ANO2: variants seen among roughly 807,000 people sequenced by gnomAD.
ANO2 encodes anoctamin-2.
In ANO2, 101 loss-of-function variants were observed where a neutral mutation model predicts 124.2. The observed-to-expected ratio is 0.81, with a 90% CI of 0.69 to 0.96. The LOEUF (loss-of-function observed/expected upper bound fraction) is 0.96, where lower values mean the gene tolerates loss of function less well. Ranked by LOEUF, ANO2 falls within the 40% of genes least tolerant of loss-of-function variation. The pLI is 0.00. For synonymous variants in ANO2, 486 were observed against 482.5 expected (o/e 1.01, Z -0.09); for missense variants, 1,293 against 1,274.5 (o/e 1.01, Z -0.22).
intron 14 of ANO2, among the ~76,000 whole-genome samples, chr12:5,720,002 A>AT (rs368878160): frequency 2.0e-3 from 291 of 148,124 alleles, no homozygotes; most frequent in East Asian, 9.3e-3. Context: ...AAGTAAGGAC[A>AT]TTTTTTTTTT....
Position 5,599,628 on chromosome 12 carries a change from T to C in ANO2, c.2089A>G (p.Lys697Glu). The change falls in exon 20 of 25, where the codon AAG (lysine) becomes GAG (glutamate). Residue 697 changes from lysine to glutamate, a missense_variant and splice_region_variant. By Grantham distance (56) the Lys-to-Glu change is moderately conservative (BLOSUM62 1). Transcript: ENST00000682330. ...AGCTTTCGAAATAGTTTCTTTAGCT[T>C]CCTGGAAAAGAAATGGATTAAGTTA... ...QNNIFEIGVP[K>E]LKKLFRKLKD... 1 of 1,613,512 alleles carries C rather than the reference T, an allele frequency of 6.2e-7. No homozygotes were observed. Among genetic ancestry groups the C allele is most frequent in the Non-Finnish European group, 8.5e-7 (1 of 1,179,778 alleles).
rs757708350 is a variant in ANO2, at chr12:5,806,043, C to T, written c.990+9G>A. The stretch of plus-strand genomic sequence containing the variant: ...CCAAAGTCCAGGATGCTGCACGAGG[C>T]AGGCTTACCTTCCTGTCATTCATAT... On this transcript the variant is annotated intron_variant, in intron 9 of 24. Coordinates refer to ENST00000682330, the MANE Select transcript of ANO2 (RefSeq NM_001364791.2). 2 of 1,613,620 alleles carry T rather than the reference C, an allele frequency of 1.2e-6. No individual in the cohort carries two copies. Among genetic ancestry groups the T allele is most frequent in the Admixed American group, 1.7e-5 (1 of 59,986 alleles).
chr12:5,869,456 T>TC (rs1955514304), intron 3 of ANO2, among the ~76,000 whole-genome samples: 1 of 152,076 alleles, frequency 6.6e-6, no homozygotes, highest in Non-Finnish European at 1.5e-5. Flanking sequence ...GGGTAAATCT[T>TC]CAATAAAAAT....
chr12:5,865,156 CTT>C (rs1955381809), intron 3 of ANO2, among the ~76,000 whole-genome samples: 1 of 152,188 alleles, frequency 6.6e-6, no homozygotes, highest in Non-Finnish European at 1.5e-5. Context: ...CTTAAAGAAT[CTT>C]TACACTATTT....
intron 10 of ANO2, among the ~76,000 whole-genome samples, chr12:5,795,945 TAGA>T (rs1265313119): frequency 1.3e-5 from 2 of 152,144 alleles, no homozygotes; most frequent in African/African-American, 4.8e-5. Context: ...CCTAAAGGAC[TAGA>T]AGAGTCATTT....
intron 1 of ANO2, among the ~76,000 whole-genome samples, chr12:5,935,259 G>A (rs1470124337): frequency 6.6e-6 from 1 of 152,010 alleles, no homozygotes; most frequent in Non-Finnish European, 1.5e-5. Context: ...ATATGACCTG[G>A]TACATAATAA....
chr12:5,623,180 T>G (rs556027231), intron 16 of ANO2, among the ~76,000 whole-genome samples: 12 of 152,098 alleles, frequency 7.9e-5, no homozygotes, highest in African/African-American at 2.7e-4. Context: ...CCTTGTGCTT[T>G]GAACAACTCC....
chr12:5,738,964 G>A (rs1043305809), intron 13 of ANO2, among the ~76,000 whole-genome samples: 2 of 152,084 alleles, frequency 1.3e-5, no homozygotes, highest in Non-Finnish European at 2.9e-5. Flanking sequence ...AGGCCCCCAG[G>A]GCATTCTGAC....
At chr12:5,843,700 C>T (rs1268085717) in intron 4 of ANO2, among the ~76,000 whole-genome samples, 4 of 152,140 alleles carry the variant, frequency 2.6e-5, no homozygotes, top group Non-Finnish European at 4.4e-5. Flanking sequence ...GGGGCAATTC[C>T]TGTTGCCGAA....
At chr12:5,855,357 C>A (rs1231042426) in intron 3 of ANO2, among the ~76,000 whole-genome samples, 1 of 152,132 alleles carries the variant, frequency 6.6e-6, no homozygotes, top group Non-Finnish European at 1.5e-5. Context: ...AAATGATGAA[C>A]AAAATAAAAA....
chr12:5,602,309 G>C (rs766717189), intron 19 of ANO2, among the ~76,000 whole-genome samples: 1 of 151,570 alleles, frequency 6.6e-6, no homozygotes, highest in Non-Finnish European at 1.5e-5. Context: ...GGGGTGCAGT[G>C]GTGTGATTTC....
At chr12:5,664,230 T>TCCATCTATCTACCCATCCTTCCAC (rs1455328634) in intron 14 of ANO2, among the ~76,000 whole-genome samples, 2 of 152,146 alleles carry the variant, frequency 1.3e-5, no homozygotes, top group Non-Finnish European at 2.9e-5. Context: ...AATCATTCCA[T>TCCATCTATCTACCCATCCTTCCAC]CCATCTATCT....
intron 19 of ANO2, among the ~76,000 whole-genome samples, chr12:5,605,783 C>T (rs1302636038): frequency 1.3e-5 from 2 of 152,092 alleles, no homozygotes; most frequent in Non-Finnish European, 2.9e-5. Context: ...AATTCCCATC[C>T]ATGGATTCAG....
At position 5,563,586 on chromosome 12, in the gene ANO2, G is replaced by A. The variant is rs775108825; in HGVS notation, c.2728-18C>T. On this transcript the variant is annotated intron_variant, in intron 24 of 24. Coordinates refer to ENST00000682330, the MANE Select transcript of ANO2 (RefSeq NM_001364791.2). Reference sequence around the variant, plus strand: ...ACGAGGTTCTGCAAAAAGCCAAGGAGAGAGGGGCTGAGTTGGAGAGGCCCG... The same window carrying A: ...ACGAGGTTCTGCAAAAAGCCAAGGAAAGAGGGGCTGAGTTGGAGAGGCCCG... 1.2e-6 allele frequency: 2 copies of A among 1,612,530 alleles called. No individual in the cohort carries two copies. The highest frequency in any genetic ancestry group is 1.1e-5 in the South Asian group (1 of 91,066).
intron 10 of ANO2, among the ~76,000 whole-genome samples, chr12:5,752,471 C>T (rs1229157231): frequency 1.3e-5 from 2 of 152,150 alleles, no homozygotes; most frequent in Non-Finnish European, 1.5e-5. Context: ...ACATTAAACA[C>T]TTTCTCCTAT....
At chr12:5,920,721 G>T (rs1436607980) in intron 3 of ANO2, among the ~76,000 whole-genome samples, 1 of 152,084 alleles carries the variant, frequency 6.6e-6, no homozygotes, top group Non-Finnish European at 1.5e-5. Context: ...CAAAAAATTA[G>T]CTGGGTCTGG....
chr12:5,771,650 G>A (rs1184746523), intron 10 of ANO2, among the ~76,000 whole-genome samples: 1 of 151,960 alleles, frequency 6.6e-6, no homozygotes, highest in South Asian at 2.1e-4. Context: ...CATGGTGGTG[G>A]GTGCCTGTAA....
At chr12:5,641,594 G>A (rs1946396120) in intron 15 of ANO2, among the ~76,000 whole-genome samples, 1 of 152,210 alleles carries the variant, frequency 6.6e-6, no homozygotes, top group African/African-American at 2.4e-5. Context: ...TTGAGCACCT[G>A]ACTGTGAAGG....
intron 14 of ANO2, among the ~76,000 whole-genome samples, chr12:5,709,164 C>T (rs1007603659): frequency 2.6e-4 from 39 of 152,226 alleles, no homozygotes; most frequent in African/African-American, 7.7e-4. Flanking sequence ...ACCGAGTACA[C>T]GATCAACTAA....
Sources: allele counts gnomAD v4.1 joint callset (sites outside exome capture counted in the v4.1 genomes callset), GRCh38; gene constraint gnomAD v4.1.1; transcripts MANE v1.5; gene names NCBI Gene and HGNC (gene_info 2026-07-23, HGNC 2026-07-21).